Variants in RARB observed in about 807,000 individuals in gnomAD.
The protein encoded by RARB is retinoic acid receptor beta.
Under a neutral mutation model 51.9 loss-of-function variants are expected in RARB, and 17 were observed. The observed-to-expected ratio is 0.33, with a 90% CI of 0.22 to 0.49. The LOEUF (loss-of-function observed/expected upper bound fraction) is 0.49, where lower values mean the gene tolerates loss of function less well. RARB is among the 20% of genes least tolerant of loss of function. The pLI is 0.99. For synonymous variants in RARB, 215 were observed against 195.4 expected (o/e 1.10, Z -0.84); for missense variants, 369 against 550.8 (o/e 0.67, Z 3.30).
At chr3:25,105,421 G>C (rs1699479981) in intron 3 of RARB, among the ~76,000 whole-genome samples, 1 of 104,814 alleles carries the variant, frequency 9.5e-6, no homozygotes, top group African/African-American at 3.7e-5. Context: ...GTATACATGT[G>C]CAAAAAAAAA....
At chr3:24,916,409 C>A (rs2125383487) in intron 2 of RARB, among the ~76,000 whole-genome samples, 1 of 152,248 alleles carries the variant, frequency 6.6e-6, no homozygotes, top group East Asian at 1.9e-4. Context: ...CATGGCTGTT[C>A]CTGCAGCATT....
At chr3:25,053,572 G>A (rs1451758677) in intron 2 of RARB, among the ~76,000 whole-genome samples, 2 of 152,142 alleles carry the variant, frequency 1.3e-5, no homozygotes, top group Non-Finnish European at 2.9e-5. Context: ...CTTTCCTCTA[G>A]GCATCTGTAA....
intron 2 of RARB, among the ~76,000 whole-genome samples, chr3:25,036,508 T>C (rs1413127246): frequency 3.3e-5 from 5 of 152,206 alleles, no homozygotes; most frequent in Non-Finnish European, 7.3e-5. Context: ...CAGCATTATT[T>C]ATTGATGGCC....
chr3:25,490,270 C>T (rs902577469), intron 2 of RARB, among the ~76,000 whole-genome samples: 2 of 152,108 alleles, frequency 1.3e-5, no homozygotes, highest in Non-Finnish European at 2.9e-5. Flanking sequence ...AAAAATGCAC[C>T]AAGCTCTAGA....
At chr3:25,193,622 CTTA>C (rs1366998737) in intron 5 of RARB, among the ~76,000 whole-genome samples, 1 of 151,910 alleles carries the variant, frequency 6.6e-6, no homozygotes, top group Non-Finnish European at 1.5e-5. Flanking sequence ...ATTTGTTCAT[CTTA>C]TTTGTTGCTG....
At chr3:24,898,157 T>A (rs1468070132) in intron 2 of RARB, among the ~76,000 whole-genome samples, 2 of 152,122 alleles carry the variant, frequency 1.3e-5, no homozygotes, top group Non-Finnish European at 2.9e-5. Context: ...GTGGCCTGAC[T>A]GGTACCTACA....
rs142282647 is a variant in RARB, at chr3:25,302,757, T to A, written c.178+128182T>A. On this transcript the variant is annotated intron_variant, in intron 5 of 11. Coordinates refer to the RARB transcript ENST00000383772. ...TATGAAAGGGTGAATTTTATGTTAT[T>A]GTGAATTGTATCTCAAGCCATTTTT... is the stretch of plus-strand genomic sequence containing the variant. Among the ~76,000 whole-genome samples the A allele has an allele frequency of 1.5e-4, 23 of 152,344 alleles. No homozygotes were observed. In the East Asian group the frequency reaches 4.4e-3, roughly 29 times the overall value.
chr3:25,135,816 C>A (rs1426608655), intron 4 of RARB, among the ~76,000 whole-genome samples: 1 of 151,862 alleles, frequency 6.6e-6, no homozygotes, highest in Non-Finnish European at 1.5e-5. Flanking sequence ...AGGCACCATG[C>A]ACCAAGGCAA....
chr3:24,957,664 C>T (rs1419904038), intron 2 of RARB, among the ~76,000 whole-genome samples: 1 of 152,162 alleles, frequency 6.6e-6, no homozygotes, highest in East Asian at 1.9e-4. Context: ...AGGTTTCAAG[C>T]AAAGTTCTTT....
intron 2 of RARB, among the ~76,000 whole-genome samples, chr3:25,500,829 G>A (rs1289870306): frequency 6.6e-6 from 1 of 152,092 alleles, no homozygotes; most frequent in African/African-American, 2.4e-5. Flanking sequence ...TTTCTTGGTA[G>A]TGCGCTCATC....
chr3:25,394,503 GT>G (rs760625167), intron 5 of RARB, among the ~76,000 whole-genome samples: 51 of 152,232 alleles, frequency 3.4e-4, no homozygotes, highest in Non-Finnish European at 6.9e-4. Context: ...GAGTACTGAA[GT>G]CCCCCAACTA....
chr3:25,568,132 C>T (rs1700572398), intron 3 of RARB, among the ~76,000 whole-genome samples: 1 of 152,178 alleles, frequency 6.6e-6, no homozygotes, highest in Non-Finnish European at 1.5e-5. Flanking sequence ...CTCATTTCAC[C>T]AGTGATCTAG....
At chr3:25,355,958 T>C (rs1705720977) in intron 5 of RARB, among the ~76,000 whole-genome samples, 1 of 152,214 alleles carries the variant, frequency 6.6e-6, no homozygotes, top group East Asian at 1.9e-4. Flanking sequence ...ACTTGGAAAA[T>C]AACTTTTTTA....
chr3:25,340,680 A>G (rs1057153255), intron 5 of RARB, among the ~76,000 whole-genome samples: 1 of 152,178 alleles, frequency 6.6e-6, no homozygotes, highest in African/African-American at 2.4e-5. Flanking sequence ...TTGGCAGTTG[A>G]TTTGGCTAGA....
intron 2 of RARB, among the ~76,000 whole-genome samples, chr3:24,905,482 C>A (rs891645280): frequency 1.3e-5 from 2 of 152,202 alleles, no homozygotes; most frequent in Admixed American, 1.3e-4. Flanking sequence ...GATGGGCTGA[C>A]TCATTCCTCT....
intron 3 of RARB, among the ~76,000 whole-genome samples, chr3:25,109,878 C>G (rs925275185): frequency 6.6e-6 from 1 of 152,228 alleles, no homozygotes; most frequent in Non-Finnish European, 1.5e-5. Context: ...CCTTCAGAGG[C>G]CTGGATCCCA....
At chr3:25,580,796 A>G in intron 5 of RARB, 74 bp downstream of exon 5, 1 of 1,428,984 alleles carries the variant, frequency 7.0e-7, no homozygotes. Flanking sequence ...GAGGGGACCA[A>G]GAGACATTGA....
At chr3:25,153,308 C>T (rs910675691) in intron 4 of RARB, among the ~76,000 whole-genome samples, 2 of 152,172 alleles carry the variant, frequency 1.3e-5, no homozygotes, top group African/African-American at 4.8e-5. Flanking sequence ...AGACTTTTAA[C>T]AAGCAATTTC....
intron 5 of RARB, among the ~76,000 whole-genome samples, chr3:25,358,267 T>C (rs1705813524): frequency 6.6e-6 from 1 of 152,210 alleles, no homozygotes; most frequent in Admixed American, 6.5e-5. Flanking sequence ...TTGCTCATGA[T>C]TTGGCTCTCC....
Sources: allele counts gnomAD v4.1 joint callset (sites outside exome capture counted in the v4.1 genomes callset), GRCh38; gene constraint gnomAD v4.1.1; transcripts MANE v1.5; gene names NCBI Gene and HGNC (gene_info 2026-07-23, HGNC 2026-07-21).